FSHR: variants seen among roughly 807,000 people sequenced by gnomAD.
FSHR encodes the protein follicle-stimulating hormone receptor.
A neutral mutation model predicts 52.1 loss-of-function variants in FSHR; 46 were observed. That is an observed-to-expected ratio of 0.88 (90% CI 0.70 to 1.13). The LOEUF is 1.13. FSHR is among the 50% of genes most tolerant of loss of function. The pLI is 0.00. For synonymous variants in FSHR, 399 were observed against 309.6 expected (o/e 1.29, Z -3.03); for missense variants, 964 against 834.6 (o/e 1.16, Z -1.91).
intron 1 of FSHR, among the ~76,000 whole-genome samples, chr2:49,109,551 G>C (rs1270721000): frequency 6.6e-6 from 1 of 152,104 alleles, no homozygotes; most frequent in African/African-American, 2.4e-5. Flanking sequence ...TCTGTTCATA[G>C]AAAGGGGAGT....
At chr2:48,993,295 G>C (rs72825278) in intron 4 of FSHR, among the ~76,000 whole-genome samples, 1 of 152,082 alleles carries the variant, frequency 6.6e-6, no homozygotes, top group African/African-American at 2.4e-5. Context: ...AACTAAACTT[G>C]TTCCCCCCAT....
At chr2:49,034,041 C>A (rs1668194093) in intron 2 of FSHR, among the ~76,000 whole-genome samples, 1 of 152,136 alleles carries the variant, frequency 6.6e-6, no homozygotes, top group Admixed American at 6.5e-5. Flanking sequence ...AGGCACAGTG[C>A]AACACTGCAG....
chr2:49,015,700 G>A (rs1053489138), intron 4 of FSHR, among the ~76,000 whole-genome samples: 1 of 152,186 alleles, frequency 6.6e-6, no homozygotes, highest in African/African-American at 2.4e-5. Flanking sequence ...TAAGGAACAT[G>A]ATGAACTTAG....
chr2:49,104,866 G>T (rs539863498), intron 1 of FSHR, among the ~76,000 whole-genome samples: 1 of 151,946 alleles, frequency 6.6e-6, no homozygotes, highest in Non-Finnish European at 1.5e-5. Flanking sequence ...TGGGGGGAGG[G>T]GGGGCGGGCA....
chr2:49,054,645 A>T lies in FSHR; in HGVS notation c.224+13574T>A, dbSNP rs530592752. Among the ~76,000 whole-genome samples, 7 of 152,304 alleles carry T rather than the reference A, an allele frequency of 4.6e-5. No individual in the cohort carries two copies. In the South Asian group the frequency reaches 1.4e-3, roughly 32 times the overall value. ...CAGTGAGCCAGACCCTGAGTTGGCCAACGCACTGTGTGCACACATGTACCT... is the reference window on the plus strand; with the variant it reads ...CAGTGAGCCAGACCCTGAGTTGGCCTACGCACTGTGTGCACACATGTACCT... On this transcript the variant is annotated intron_variant, in intron 2 of 9. Coordinates refer to ENST00000406846, the MANE Select transcript of FSHR (RefSeq NM_000145.4).
At chr2:49,095,269 A>G (rs888018177) in intron 1 of FSHR, among the ~76,000 whole-genome samples, 2 of 152,196 alleles carry the variant, frequency 1.3e-5, no homozygotes, top group Admixed American at 6.5e-5. Context: ...GCAGTGGCAC[A>G]AAGACAAACA....
Position 48,963,570 on chromosome 2 carries a change from G to A in FSHR, c.1251C>T (p.Leu417=). 1 of 1,614,182 alleles carries A rather than the reference G, an allele frequency of 6.2e-7. No individual in the cohort carries two copies. Among genetic ancestry groups the A allele is most frequent in the Non-Finnish European group, 8.5e-7 (1 of 1,180,020 alleles). The change falls in exon 10 of 10, where the codon CTC becomes CTT. Residue 417 remains leucine (L), a synonymous_variant. Transcript: ENST00000406846. The part of the protein sequence containing the change: ...ADLCIGIYLL[L]IASVDIHTKS... ...TGGTATGGATATCAACTGATGCAAT[G>A]AGCAGCAGGTAGATTCCAATGCAGA...
At chr2:49,127,261 G>A (rs903256826) in intron 1 of FSHR, among the ~76,000 whole-genome samples, 4 of 151,634 alleles carry the variant, frequency 2.6e-5, no homozygotes, top group Non-Finnish European at 4.4e-5. Flanking sequence ...CTGGGAGGCA[G>A]AGATTGCAGT....
At chr2:48,994,557 A>G (rs1390168710) in intron 4 of FSHR, among the ~76,000 whole-genome samples, 1 of 152,108 alleles carries the variant, frequency 6.6e-6, no homozygotes, top group Non-Finnish European at 1.5e-5. Flanking sequence ...TAACCCCAAG[A>G]TAATACAGGA....
intron 2 of FSHR, among the ~76,000 whole-genome samples, chr2:49,051,376 A>T (rs528635658): frequency 6.6e-6 from 1 of 152,274 alleles, no homozygotes; most frequent in East Asian, 1.9e-4. Context: ...AATTTTGGCC[A>T]TTTTAATGGG....
At chr2:49,023,849 A>G (rs575959286) in intron 2 of FSHR, among the ~76,000 whole-genome samples, 236 of 152,286 alleles carry the variant, frequency 1.5e-3, no homozygotes, top group African/African-American at 5.4e-3. Context: ...TCCATGAGGT[A>G]CTGGGGGTTA....
At chr2:49,017,831 C>G (rs1667544122) in intron 3 of FSHR, among the ~76,000 whole-genome samples, 1 of 152,072 alleles carries the variant, frequency 6.6e-6, no homozygotes, top group African/African-American at 2.4e-5. Context: ...TGGAGGCAAA[C>G]AGAGCATTGG....
intron 8 of FSHR, among the ~76,000 whole-genome samples, chr2:48,978,740 T>A (rs1254772951): frequency 1.3e-5 from 2 of 152,210 alleles, no homozygotes; most frequent in African/African-American, 4.8e-5. Flanking sequence ...TGAAACTCGA[T>A]GAAACTTGTT....
intron 4 of FSHR, among the ~76,000 whole-genome samples, chr2:49,003,809 G>C (rs1666990130): frequency 7.1e-6 from 1 of 140,900 alleles, no homozygotes; most frequent in Non-Finnish European, 1.5e-5. Flanking sequence ...TGCAGAATCT[G>C]TCACTTGAGT....
At chr2:49,096,728 T>A (rs950119155) in intron 1 of FSHR, among the ~76,000 whole-genome samples, 3 of 152,220 alleles carry the variant, frequency 2.0e-5, no homozygotes, top group South Asian at 4.1e-4. Context: ...TGTTGAATTG[T>A]AATCCCCAGT....
chr2:49,054,610 GC>G (rs1412429711), intron 2 of FSHR, among the ~76,000 whole-genome samples: 3 of 152,040 alleles, frequency 2.0e-5, no homozygotes. Context: ...TAGCCACATG[GC>G]CCCAACCCCA....
At chr2:49,149,584 C>T (rs866393800) in intron 1 of FSHR, among the ~76,000 whole-genome samples, 1 of 152,190 alleles carries the variant, frequency 6.6e-6, no homozygotes, top group South Asian at 2.1e-4. Context: ...CTCTGTTTCA[C>T]TCTTAAGACA....
chr2:49,000,341 A>C (rs1666820128), intron 4 of FSHR, among the ~76,000 whole-genome samples: 1 of 152,174 alleles, frequency 6.6e-6, no homozygotes, highest in East Asian at 1.9e-4. Flanking sequence ...AGGGAAGTAA[A>C]CTTAGGAGAA....
chr2:48,997,784 C>G (rs989164942), intron 4 of FSHR, among the ~76,000 whole-genome samples: 2 of 152,100 alleles, frequency 1.3e-5, no homozygotes, highest in Non-Finnish European at 2.9e-5. Flanking sequence ...CTCCCTAGTT[C>G]TCTTGGGTGC....
Sources: gnomAD v4.1 joint callset for allele counts (sites outside exome capture counted in the v4.1 genomes callset) on GRCh38, gnomAD v4.1.1 for gene constraint, MANE v1.5 for transcripts, NCBI Gene and HGNC (gene_info 2026-07-23, HGNC 2026-07-21) for gene names.